Variants in CNTNAP2 observed in about 807,000 individuals in gnomAD.
CNTNAP2 encodes the protein contactin-associated protein-like 2.
Under a neutral mutation model 155.2 loss-of-function variants are expected in CNTNAP2, and 98 were observed. The observed-to-expected ratio is 0.63, with a 90% confidence interval of 0.54 to 0.75. The LOEUF (loss-of-function observed/expected upper bound fraction) is 0.75. Ranked by LOEUF, CNTNAP2 falls within the 30% of genes least tolerant of loss-of-function variation. The pLI is 0.00. For missense variants in CNTNAP2, 1,727 were observed against 1,688.1 expected (o/e 1.02, Z -0.40); for synonymous variants, 651 against 631.2 (o/e 1.03, Z -0.47).
At chr7:147,043,624 C>T (rs1021550667) in intron 3 of CNTNAP2, among the ~76,000 whole-genome samples, 2 of 152,196 alleles carry the variant, frequency 1.3e-5, no homozygotes, top group Non-Finnish European at 2.9e-5. Flanking sequence ...GAACTCATTT[C>T]AATGTGTATG....
chr7:147,067,289 CAAAAAAAAAAAA>C (rs36080849), intron 4 of CNTNAP2, among the ~76,000 whole-genome samples: 1 of 67,988 alleles, frequency 1.5e-5, no homozygotes, highest in Non-Finnish European at 2.7e-5. Flanking sequence ...GACTCCGTCT[CAAAAAAAAAAAA>C]AAAAAAAAAA....
At position 146,297,762 on chromosome 7, in the gene CNTNAP2, C is replaced by T. The variant is rs187342244; in HGVS notation, c.97+180789C>T. Among the ~76,000 whole-genome samples, 89 of 151,990 alleles carry T rather than the reference C, an allele frequency of 5.9e-4. 1 individual carries two copies. The highest frequency in any genetic ancestry group is 2.1e-3 in the African/African-American group (86 of 41,470). On this transcript the variant is annotated intron_variant, in intron 1 of 23. Coordinates refer to ENST00000361727, the MANE Select transcript of CNTNAP2 (RefSeq NM_014141.6). ...TGTAGTGCTATACTCATAAGCATAC[C>T]TTCTATAAATAAGCACATTCTTTAT...
At chr7:147,953,025 C>T (rs560940717) in intron 14 of CNTNAP2, among the ~76,000 whole-genome samples, 2 of 152,234 alleles carry the variant, frequency 1.3e-5, no homozygotes, top group South Asian at 4.1e-4. Context: ...TAAGTTCTGG[C>T]GTAATGAGTT....
At chr7:147,615,562 G>T (rs549014952) in intron 12 of CNTNAP2, among the ~76,000 whole-genome samples, 2 of 152,150 alleles carry the variant, frequency 1.3e-5, no homozygotes, top group Non-Finnish European at 2.9e-5. Flanking sequence ...CTCTTGTGAA[G>T]CCATAATTGA....
intron 1 of CNTNAP2, among the ~76,000 whole-genome samples, chr7:146,320,374 A>G (rs1281205392): frequency 1.3e-5 from 2 of 152,190 alleles, no homozygotes; most frequent in African/African-American, 2.4e-5. Flanking sequence ...GATAAGGGGT[A>G]TAAATAGTTC....
intron 1 of CNTNAP2, among the ~76,000 whole-genome samples, chr7:146,444,661 C>CTTTTTTTTTTT (rs772101193): frequency 3.5e-5 from 5 of 142,256 alleles, no homozygotes; most frequent in African/African-American, 1.3e-4. Flanking sequence ...TCCTCTCTCT[C>CTTTTTTTTTTT]TTTTTTTTTT....
At chr7:146,169,831 A>G (rs1798363105) in intron 1 of CNTNAP2, among the ~76,000 whole-genome samples, 1 of 151,366 alleles carries the variant, frequency 6.6e-6, no homozygotes, top group African/African-American at 2.4e-5. Context: ...ATATTTTATT[A>G]TATATATCAT....
intron 22 of CNTNAP2, among the ~76,000 whole-genome samples, chr7:148,404,997 G>A (rs6949078): frequency 0.28 from 43,184 of 151,928 alleles, 7,000 homozygotes; most frequent in African/African-American, 0.43. Context: ...TTACAGGACT[G>A]GGGGGCATGG....
intron 14 of CNTNAP2, among the ~76,000 whole-genome samples, chr7:147,939,234 C>A (rs1374044160): frequency 1.3e-5 from 2 of 152,004 alleles, no homozygotes; most frequent in Admixed American, 6.6e-5. Flanking sequence ...GTATTTTACT[C>A]ACATTTAACT....
rs545825893 is a variant in CNTNAP2 at position 147,510,213 on chromosome 7, T to A, written c.1777+24172T>A. Reference sequence around the variant, plus strand: ...TGGGGTTCTGCGTATTCTAATTCTTTCTCTTCTTTGACTTCAAGTTCCCCA... The same window carrying A: ...TGGGGTTCTGCGTATTCTAATTCTTACTCTTCTTTGACTTCAAGTTCCCCA... On this transcript the variant is annotated intron_variant, in intron 11 of 23. Coordinates refer to ENST00000361727, the MANE Select transcript of CNTNAP2 (RefSeq NM_014141.6). Among the ~76,000 whole-genome samples the A allele has an allele frequency of 6.6e-5, 10 of 152,276 alleles. No homozygotes were observed. The South Asian group carries it at 1.7e-3, about 25-fold the overall frequency.
intron 1 of CNTNAP2, among the ~76,000 whole-genome samples, chr7:146,649,639 C>G (rs930105808): frequency 6.6e-6 from 1 of 152,022 alleles, no homozygotes; most frequent in African/African-American, 2.4e-5. Context: ...AAAACATTTT[C>G]AAAAATTTAC....
chr7:148,197,886 G>T (rs1795302667), intron 18 of CNTNAP2, among the ~76,000 whole-genome samples: 1 of 152,146 alleles, frequency 6.6e-6, no homozygotes, highest in African/African-American at 2.4e-5. Flanking sequence ...ATGTGTCAAA[G>T]GTTCCCCTCA....
At chr7:146,803,978 A>G (rs1802924995) in intron 2 of CNTNAP2, among the ~76,000 whole-genome samples, 1 of 152,194 alleles carries the variant, frequency 6.6e-6, no homozygotes. Context: ...CTTTGAGGCT[A>G]AAGTTTGAAA....
intron 1 of CNTNAP2, among the ~76,000 whole-genome samples, chr7:146,579,117 C>A (rs548324307): frequency 6.6e-6 from 1 of 152,250 alleles, no homozygotes; most frequent in Admixed American, 6.5e-5. Context: ...TAGATGATTT[C>A]ATTACATATT....
At chr7:146,294,978 A>C (rs1199299380) in intron 1 of CNTNAP2, among the ~76,000 whole-genome samples, 1 of 152,224 alleles carries the variant, frequency 6.6e-6, no homozygotes, top group Non-Finnish European at 1.5e-5. Context: ...TAATTATAAA[A>C]TATAGAGATT....
At chr7:147,919,545 G>A (rs183508596) in intron 14 of CNTNAP2, among the ~76,000 whole-genome samples, 71 of 145,506 alleles carry the variant, frequency 4.9e-4, no homozygotes, top group African/African-American at 1.5e-3. Flanking sequence ...TGCAAGCTCC[G>A]TCCCCTGGGT....
At chr7:146,605,343 A>G (rs570549467) in intron 1 of CNTNAP2, among the ~76,000 whole-genome samples, 1 of 151,388 alleles carries the variant, frequency 6.6e-6, no homozygotes, top group South Asian at 2.1e-4. Flanking sequence ...CCAATGAGGA[A>G]ATGGATTCAG....
rs571147211 is a variant in CNTNAP2 at position 146,486,769 on chromosome 7, G to A, written c.98-287502G>A. Among the ~76,000 whole-genome samples the A allele has an allele frequency of 2.0e-5, 3 of 152,302 alleles. 1 individual carries two copies. Among genetic ancestry groups the A allele is most frequent in the African/African-American group, 7.2e-5 (3 of 41,572 alleles). On this transcript the variant is annotated intron_variant, in intron 1 of 23. Coordinates refer to ENST00000361727, the MANE Select transcript of CNTNAP2 (RefSeq NM_014141.6). ...TTCTTTTGGGAGAGCCAAGAGAGGT[G>A]CTTGACAGATGGTACTTTGCCTCAA...
At chr7:146,441,427 C>G (rs1422454058) in intron 1 of CNTNAP2, among the ~76,000 whole-genome samples, 1 of 151,446 alleles carries the variant, frequency 6.6e-6, no homozygotes, top group Admixed American at 6.6e-5. Context: ...ATTTGGTCTT[C>G]GATTACAGAT....
Sources: gnomAD v4.1 joint callset for allele counts (sites outside exome capture counted in the v4.1 genomes callset) on GRCh38, gnomAD v4.1.1 for gene constraint, MANE v1.5 for transcripts, NCBI Gene and HGNC (gene_info 2026-07-23, HGNC 2026-07-21) for gene names.